The following TMEM108 variants were observed in gnomAD, a reference collection of about 807,000 sequenced individuals.
TMEM108 encodes the protein cancer/testis antigen 124.
In TMEM108, 12 loss-of-function variants were observed where a neutral mutation model predicts 35.1. The ratio of observed to expected loss-of-function variants is 0.34; its 90% CI spans 0.22 to 0.55. The LOEUF is 0.55. TMEM108 is among the 20% of genes least tolerant of loss of function. The pLI, the probability that TMEM108 is intolerant of heterozygous loss-of-function variation, is 0.89. For missense variants in TMEM108, 680 were observed against 753.3 expected (o/e 0.90, Z 1.14); for synonymous variants, 287 against 308.6 (o/e 0.93, Z 0.73).
intron 3 of TMEM108, among the ~76,000 whole-genome samples, chr3:133,239,411 C>T (rs1415555886): frequency 6.6e-6 from 1 of 152,168 alleles, no homozygotes; most frequent in African/African-American, 2.4e-5. Context: ...TCTGGCTGTA[C>T]ACTAGAATCA....
intron 2 of TMEM108, among the ~76,000 whole-genome samples, chr3:133,094,671 C>A (rs1943991279): frequency 6.6e-6 from 1 of 152,218 alleles, no homozygotes; most frequent in Admixed American, 6.5e-5. Flanking sequence ...GGATAGTTAG[C>A]AGTTTCTCAG....
chr3:133,097,463 C>T (rs114214660), intron 2 of TMEM108, among the ~76,000 whole-genome samples: 1,725 of 152,286 alleles, frequency 0.011, 21 homozygotes, highest in Middle Eastern at 0.078. Context: ...AACCTGGGCA[C>T]GTTTCCCAGC....
chr3:133,090,211 C>G (rs969833126), intron 2 of TMEM108, among the ~76,000 whole-genome samples: 2 of 152,270 alleles, frequency 1.3e-5, no homozygotes, highest in East Asian at 3.9e-4. Context: ...TGTAGTCTTT[C>G]CCATTAAAAC....
At chr3:133,325,975 G>A (rs1042416171) in intron 3 of TMEM108, among the ~76,000 whole-genome samples, 32 of 152,090 alleles carry the variant, frequency 2.1e-4, no homozygotes, top group African/African-American at 7.5e-4. Context: ...TTAGAATAAT[G>A]CATTGAAGGG....
Position 133,092,026 on chromosome 3 carries a change from A to C in TMEM108, c.-47+46006A>C, listed in dbSNP as rs74661002. Among the ~76,000 whole-genome samples, 65 of 152,320 alleles carry C rather than the reference A, an allele frequency of 4.3e-4. No individual in the cohort carries two copies. The East Asian group carries it at 0.013, about 29-fold the overall frequency. On this transcript the variant is annotated intron_variant, in intron 2 of 5. Transcript: ENST00000321871. ...TGAGTCTATAAAGTATGATGACTTC[A>C]GTAGTACTTGGAGCTTCCAAATTGC... is the stretch of plus-strand genomic sequence containing the variant.
chr3:133,241,918 G>T (rs1946319527), intron 3 of TMEM108, among the ~76,000 whole-genome samples: 1 of 152,096 alleles, frequency 6.6e-6, no homozygotes, highest in African/African-American at 2.4e-5. Context: ...CCGGCCTCCT[G>T]TGGCTTCTAC....
chr3:133,089,273 A>G (rs1428253118), intron 2 of TMEM108, among the ~76,000 whole-genome samples: 1 of 152,214 alleles, frequency 6.6e-6, no homozygotes, highest in African/African-American at 2.4e-5. Context: ...GTCAGTGCAC[A>G]GGGAGGCATG....
chr3:133,315,562 G>A (rs903839208), intron 3 of TMEM108, among the ~76,000 whole-genome samples: 1 of 152,182 alleles, frequency 6.6e-6, no homozygotes, highest in African/African-American at 2.4e-5. Flanking sequence ...ACAAGATGGG[G>A]ACACTAACAA....
chr3:133,099,576 C>T (rs751442679), intron 2 of TMEM108, among the ~76,000 whole-genome samples: 2 of 152,204 alleles, frequency 1.3e-5, no homozygotes, highest in African/African-American at 2.4e-5. Context: ...AAACAGAATG[C>T]TCTTAATAGC....
intron 2 of TMEM108, among the ~76,000 whole-genome samples, chr3:133,189,180 A>G (rs962339872): frequency 1.3e-5 from 2 of 152,264 alleles, no homozygotes; most frequent in African/African-American, 4.8e-5. Context: ...CTAGTCCCAG[A>G]GAAATCTACC....
chr3:133,178,940 A>G (rs71315691), intron 2 of TMEM108, among the ~76,000 whole-genome samples: 41,353 of 151,994 alleles, frequency 0.27, 5,855 homozygotes, highest in Middle Eastern at 0.38. Flanking sequence ...CAGAATCTAC[A>G]AAGAACTCAA....
At position 133,225,084 on chromosome 3, in the gene TMEM108, G is replaced by A. The variant is rs373067997; in HGVS notation, c.-46-4182G>A. 2.8e-4 allele frequency among the ~76,000 whole-genome samples: 37 copies of A among 134,074 alleles called. 1 individual carries two copies. Among genetic ancestry groups the A allele is most frequent in the East Asian group, 8.8e-4 (4 of 4,554 alleles). 88.0% of individuals were successfully genotyped at this position (134,074 alleles called of 152,430 possible). ...TTTTGAGTTGGAGTCCTGCTCTGCCGCCTAGGCTGGAGTGCAATGGCGTGC... is the reference window on the plus strand; with the variant it reads ...TTTTGAGTTGGAGTCCTGCTCTGCCACCTAGGCTGGAGTGCAATGGCGTGC... On this transcript the variant is annotated intron_variant, in intron 2 of 5. Transcript: ENST00000321871.
At chr3:133,374,596 T>G (rs1464860136) in intron 3 of TMEM108, among the ~76,000 whole-genome samples, 1 of 151,406 alleles carries the variant, frequency 6.6e-6, no homozygotes, top group Non-Finnish European at 1.5e-5. Context: ...TTGTGGTTTT[T>G]ATATACATAA....
Position 133,380,523 on chromosome 3 carries a change from T to G in TMEM108, c.812T>G (p.Leu271Arg). The change falls in exon 4 of 6, where the codon CTG becomes CGG. Residue 271 changes from leucine (L) to arginine (R), a missense_variant. Physicochemically the swap from Leu to Arg is moderately radical, Grantham distance 102 (BLOSUM62 -2). Transcript: ENST00000321871. This position sits in a 1 kb window ranked among gnomAD's most constrained non-coding sequence, Gnocchi z 5.3. ...NTSWAPTTTS[L>R]GPAKDKPGLR... ...TCATGGGCACCCACCACCACCTCCC[T>G]GGGGCCTGCAAAGGACAAGCCAGGC... is the stretch of plus-strand genomic sequence containing the variant. 1 of 1,613,726 alleles carries G rather than the reference T, an allele frequency of 6.2e-7. No homozygotes were observed. The highest frequency in any genetic ancestry group is 2.2e-5 in the East Asian group (1 of 44,878).
intron 3 of TMEM108, among the ~76,000 whole-genome samples, chr3:133,361,431 A>G (rs888211206): frequency 6.6e-6 from 1 of 152,238 alleles, no homozygotes; most frequent in Non-Finnish European, 1.5e-5. Context: ...TGTGGGTTTA[A>G]TGAGGTAGCG....
Position 133,396,123 on chromosome 3 carries a change from G to A in TMEM108, c.*137G>A. Reference sequence around the variant, plus strand: ...TTTTCAGCTTTTTTTCCTATGAATTGTCAACATCTTTTTTACAAGTGTGGT... The same window carrying A: ...TTTTCAGCTTTTTTTCCTATGAATTATCAACATCTTTTTTACAAGTGTGGT... On this transcript the variant is annotated 3_prime_UTR_variant, in exon 6 of 6. Coordinates refer to ENST00000321871, the MANE Select transcript of TMEM108 (RefSeq NM_023943.4). 1 of 519,846 alleles carries A rather than the reference G, an allele frequency of 1.9e-6. No homozygotes were observed. The highest frequency in any genetic ancestry group is 2.6e-6 in the Non-Finnish European group (1 of 377,902). The allele number at this position is 519,846 out of a possible 1,614,324, so 32.2% of individuals were successfully genotyped here. A position where few individuals can be genotyped will look rare whatever the true frequency, so the allele number is the denominator to read the frequency against.
intron 2 of TMEM108, among the ~76,000 whole-genome samples, chr3:133,112,280 A>G (rs940961290): frequency 1.3e-5 from 2 of 152,144 alleles, no homozygotes; most frequent in South Asian, 4.1e-4. Flanking sequence ...AAATTATCAA[A>G]TAATATGGCA....
At chr3:133,081,747 A>G (rs925784609) in intron 2 of TMEM108, among the ~76,000 whole-genome samples, 1 of 152,216 alleles carries the variant, frequency 6.6e-6, no homozygotes, top group African/African-American at 2.4e-5. Context: ...TATTGGGGAA[A>G]GATAATAGGG....
chr3:133,153,700 G>A (rs1283435885), intron 2 of TMEM108, among the ~76,000 whole-genome samples: 1 of 152,118 alleles, frequency 6.6e-6, no homozygotes, highest in Non-Finnish European at 1.5e-5. Flanking sequence ...CTGCCTTTGG[G>A]GAAATTATGG....
Sources: gnomAD v4.1 joint callset for allele counts (sites outside exome capture counted in the v4.1 genomes callset) on GRCh38, gnomAD v4.1.1 for gene constraint, Gnocchi (gnomAD v3.1) non-coding constraint, MANE v1.5 for transcripts, NCBI Gene and HGNC (gene_info 2026-07-23, HGNC 2026-07-21) for gene names.